Variants in CCDC171 observed in about 807,000 individuals in gnomAD.
CCDC171 encodes coiled-coil domain containing 171, also known as coiled-coil domain-containing protein 171.
Under a neutral mutation model 168.2 loss-of-function variants are expected in CCDC171, and 177 were observed. That is an observed-to-expected ratio of 1.05 (90% CI 0.93 to 1.19). The LOEUF is 1.19. Among genes scored for constraint, CCDC171 ranks in the 50% most tolerant of loss-of-function variants. The pLI is 0.00. For missense variants in CCDC171, 1,991 were observed against 1,539.0 expected, an observed-to-expected ratio of 1.29 and a Z score of -4.91; for synonymous variants, 687 against 540.8, an observed-to-expected ratio of 1.27 and a Z score of -3.75.
exon 6 of CCDC171, chr9:16,022,884 G>T (rs949752415): frequency 2.0e-5 from 3 of 152,212 alleles, no homozygotes; most frequent in African/African-American, 4.8e-5. Context: ...TGGCATTTCA[G>T]CCACATCCAG....
At chr9:15,907,859 C>G (rs1205969149) in intron 24 of CCDC171, among the ~76,000 whole-genome samples, 3 of 152,220 alleles carry the variant, frequency 2.0e-5, no homozygotes, top group African/African-American at 4.8e-5. Context: ...TGAACAGACA[C>G]TTCTCAAAAG....
At chr9:15,739,041 A>G (rs1192977703) in intron 16 of CCDC171, among the ~76,000 whole-genome samples, 4 of 152,176 alleles carry the variant, frequency 2.6e-5, no homozygotes, top group Non-Finnish European at 5.9e-5. Flanking sequence ...GGAACTAGCA[A>G]TCTTGTATTT....
Position 15,951,418 on chromosome 9 carries a change from A to C in CCDC171, c.3754-20191A>C, listed in dbSNP as rs577763528. ...GAGGAGCTACCATAATGTTTTCTAC[A>C]CTGTTGTACTATTTTACATTTCCAC... On this transcript the variant is annotated intron_variant, in intron 25 of 25. Transcript: ENST00000380701. Among the ~76,000 whole-genome samples, 48 of 152,260 alleles carry C rather than the reference A, an allele frequency of 3.2e-4. No homozygotes were observed. In the South Asian group the frequency reaches 5.0e-3, roughly 16 times the overall value.
intron 18 of CCDC171, among the ~76,000 whole-genome samples, chr9:15,759,147 A>G (rs1002677640): frequency 1.3e-5 from 2 of 152,042 alleles, no homozygotes; most frequent in African/African-American, 4.8e-5. Flanking sequence ...CCTCCTATCC[A>G]TCCACTAATA....
At position 15,817,815 on chromosome 9, in the gene CCDC171, A is replaced by G. The variant is rs1462898071; in HGVS notation, c.3268-28887A>G. ...GCAGCAATAACCTCTGCAGACTTAA[A>G]TGTCCCTGTCTGACAGCTTTGAAGA... On this transcript the variant is annotated intron_variant, in intron 21 of 25. Coordinates refer to ENST00000380701, the MANE Select transcript of CCDC171 (RefSeq NM_173550.4). 1.7e-5 allele frequency among the ~76,000 whole-genome samples: 2 copies of G among 118,184 alleles called. 1 individual carries two copies. The highest frequency in any genetic ancestry group is 3.8e-5 in the Non-Finnish European group (2 of 52,436). 77.5% of individuals were successfully genotyped at this position (118,184 alleles called of 152,430 possible).
chr9:15,824,400 A>G (rs1038340148), intron 21 of CCDC171, among the ~76,000 whole-genome samples: 4 of 151,998 alleles, frequency 2.6e-5, no homozygotes, highest in Non-Finnish European at 4.4e-5. Context: ...ATTGTTAGAA[A>G]TATATTCTGT....
At chr9:15,799,513 T>C (rs2058718599) in intron 21 of CCDC171, among the ~76,000 whole-genome samples, 2 of 151,982 alleles carry the variant, frequency 1.3e-5, no homozygotes, top group Admixed American at 6.6e-5. Flanking sequence ...TGTGTATATA[T>C]TTATGGGGTA....
chr9:15,666,642 G>T (rs2048755644), intron 9 of CCDC171, among the ~76,000 whole-genome samples: 1 of 152,104 alleles, frequency 6.6e-6, no homozygotes, highest in Non-Finnish European at 1.5e-5. Context: ...GGGCAACATA[G>T]TGAGACTTTG....
At chr9:16,016,697 G>T (rs554361180) in intron 3 of CCDC171, among the ~76,000 whole-genome samples, 2 of 152,288 alleles carry the variant, frequency 1.3e-5, no homozygotes, top group East Asian at 3.9e-4. Context: ...ACGAAAAACA[G>T]GTTGCCACTT....
At chr9:15,739,090 G>A (rs910360177) in intron 16 of CCDC171, among the ~76,000 whole-genome samples, 1 of 152,184 alleles carries the variant, frequency 6.6e-6, no homozygotes, top group African/African-American at 2.4e-5. Flanking sequence ...TAAATAAGTA[G>A]TGTAGAAGTT....
intron 4 of CCDC171, among the ~76,000 whole-genome samples, chr9:15,582,941 A>G (rs1297894396): frequency 1.3e-5 from 2 of 152,042 alleles, no homozygotes; most frequent in Admixed American, 1.3e-4. Context: ...AAAAAAAAAA[A>G]AAAGAACCAA....
the CCDC171 span, among the ~76,000 whole-genome samples, chr9:16,099,932 G>C: frequency 6.6e-6 from 1 of 151,360 alleles, no homozygotes; most frequent in African/African-American, 2.4e-5. Context: ...CTTGCCTGTG[G>C]AAAAAGGCCA....
chr9:15,880,181 C>G (rs1157116460), intron 24 of CCDC171, among the ~76,000 whole-genome samples: 2 of 152,094 alleles, frequency 1.3e-5, no homozygotes, highest in Non-Finnish European at 2.9e-5. Flanking sequence ...TCATTGCTTT[C>G]TAAGTCCATG....
At chr9:15,721,094 G>A (rs562826414) in intron 11 of CCDC171, among the ~76,000 whole-genome samples, 1 of 152,172 alleles carries the variant, frequency 6.6e-6, no homozygotes, top group South Asian at 2.1e-4. Context: ...AGTAGTTTGA[G>A]GGCATAACAT....
chr9:15,803,739 G>A (rs909103661), intron 21 of CCDC171, among the ~76,000 whole-genome samples: 6 of 121,974 alleles, frequency 4.9e-5, no homozygotes, highest in African/African-American at 1.8e-4. Flanking sequence ...GGACTGCCTA[G>A]GCTATTTGGG....
At chr9:15,732,258 C>G (rs1345569164) in intron 16 of CCDC171, among the ~76,000 whole-genome samples, 3 of 152,056 alleles carry the variant, frequency 2.0e-5, no homozygotes, top group Non-Finnish European at 4.4e-5. Context: ...TTTTTCCTTA[C>G]TTCAAGGTTG....
At chr9:15,998,599 G>C (rs1330605211) in intron 3 of CCDC171, among the ~76,000 whole-genome samples, 4 of 152,266 alleles carry the variant, frequency 2.6e-5, no homozygotes, top group Admixed American at 2.0e-4. Flanking sequence ...TAGCCAATTG[G>C]TCTTTCACTG....
chr9:15,649,532 G>A lies in CCDC171; in HGVS notation c.823-7595G>A, dbSNP rs183717720. On this transcript the variant is annotated intron_variant, in intron 7 of 25. Transcript: ENST00000380701. ...AGGGCTAATATCCAGAATCTACAAT[G>A]AACTCAAACAAATTTACAAGAAAAA... 4.6e-5 allele frequency among the ~76,000 whole-genome samples: 7 copies of A among 152,206 alleles called. No individual in the cohort carries two copies. In the East Asian group the frequency reaches 1.4e-3, roughly 29 times the overall value.
intron 24 of CCDC171, chr9:15,886,529 G>A (rs1403908878): frequency 6.6e-6 from 1 of 152,014 alleles, no homozygotes; most frequent in Non-Finnish European, 1.5e-5. Context: ...AATGTAAATT[G>A]GTATAGCTAT....
Sources: allele counts gnomAD v4.1 joint callset (sites outside exome capture counted in the v4.1 genomes callset), GRCh38; gene constraint gnomAD v4.1.1; transcripts MANE v1.5; gene names NCBI Gene and HGNC (gene_info 2026-07-23, HGNC 2026-07-21).